The following GUCY1A2 variants were observed in gnomAD, a reference collection of about 807,000 sequenced individuals.
GUCY1A2 encodes the protein guanylate cyclase soluble subunit alpha-2.
GUCY1A2 carries 27 observed loss-of-function variants against 63.5 expected under a neutral mutation model. The ratio of observed to expected loss-of-function variants is 0.43; its 90% CI spans 0.31 to 0.59. The LOEUF is 0.59. GUCY1A2 is among the 20% of genes least tolerant of loss of function. The probability of loss-of-function intolerance (pLI) is 0.11; values close to 1 mark genes in which losing one functional copy is unlikely to be tolerated. For synonymous variants in GUCY1A2, 364 were observed against 343.5 expected, an observed-to-expected ratio of 1.06 and a Z score of -0.66; for missense variants, 768 against 913.3, an observed-to-expected ratio of 0.84 and a Z score of 2.05.
At chr11:106,740,690 T>TATGTATGTATGTATG (rs1565274754) in intron 6 of GUCY1A2, among the ~76,000 whole-genome samples, 1 of 81,202 alleles carries the variant, frequency 1.2e-5, no homozygotes, top group African/African-American at 5.1e-5. Flanking sequence ...ATGTATGTAT[T>TATGTATGTATGTATG]TAGAGACAGA....
chr11:106,731,052 T>C (rs193190692), intron 6 of GUCY1A2, among the ~76,000 whole-genome samples: 91 of 152,296 alleles, frequency 6.0e-4, no homozygotes, highest in African/African-American at 2.1e-3. Context: ...AGCTTATCTG[T>C]TTACTCTCCT....
chr11:106,807,748 C>G (rs1387652843), intron 5 of GUCY1A2, among the ~76,000 whole-genome samples: 1 of 152,202 alleles, frequency 6.6e-6, no homozygotes, highest in East Asian at 1.9e-4. Context: ...TGGGTACCAT[C>G]TAATCAGCTG....
intron 7 of GUCY1A2, among the ~76,000 whole-genome samples, chr11:106,703,208 C>A (rs1003038640): frequency 1.3e-5 from 2 of 152,064 alleles, no homozygotes; most frequent in Admixed American, 6.6e-5. Context: ...TTGCAGACGC[C>A]CTATTGTGGG....
At chr11:106,689,142 C>T (rs533254787) in intron 7 of GUCY1A2, among the ~76,000 whole-genome samples, 12 of 152,234 alleles carry the variant, frequency 7.9e-5, no homozygotes, top group Admixed American at 3.9e-4. Flanking sequence ...GAACATTGCA[C>T]AATCAATTAT....
intron 3 of GUCY1A2, among the ~76,000 whole-genome samples, chr11:106,962,275 G>T (rs1000088659): frequency 6.6e-6 from 1 of 152,092 alleles, no homozygotes; most frequent in Admixed American, 6.6e-5. Flanking sequence ...TATGGGGCTG[G>T]GTGTGGTGGC....
chr11:106,764,977 G>GC (rs1210155647), intron 6 of GUCY1A2, among the ~76,000 whole-genome samples: 4 of 94,188 alleles, frequency 4.2e-5, no homozygotes, highest in African/African-American at 1.5e-4. Flanking sequence ...TTTTGGGGGG[G>GC]GGTTGGGGGG....
chr11:106,686,690 T>G lies in GUCY1A2; in HGVS notation c.*859A>C, dbSNP rs1225971600. On this transcript the variant is annotated 3_prime_UTR_variant, in exon 8 of 8. Transcript: ENST00000526355. ...GTGTAGCAAAGCATTTCATTTTAACTGATATTTGTTAGAAGGTGGCAAAAA... is the reference window on the plus strand; with the variant it reads ...GTGTAGCAAAGCATTTCATTTTAACGGATATTTGTTAGAAGGTGGCAAAAA... The G allele has an allele frequency of 1.4e-5, 3 of 211,456 alleles. No homozygotes were observed. Among genetic ancestry groups the G allele is most frequent in the Non-Finnish European group, 2.9e-5 (3 of 104,296 alleles). 13.1% of individuals were successfully genotyped at this position (211,456 alleles called of 1,614,324 possible). A position where few individuals can be genotyped will look rare whatever the true frequency, so the allele number is the denominator to read the frequency against.
At chr11:106,712,934 G>T (rs528520050) in intron 6 of GUCY1A2, among the ~76,000 whole-genome samples, 2 of 152,268 alleles carry the variant, frequency 1.3e-5, no homozygotes, top group South Asian at 4.2e-4. Context: ...CTACCCTGCA[G>T]AATACATAAT....
intron 5 of GUCY1A2, among the ~76,000 whole-genome samples, chr11:106,782,034 C>T (rs367570467): frequency 1.6e-4 from 25 of 152,186 alleles, no homozygotes; most frequent in African/African-American, 4.6e-4. Context: ...AGAAAGAAGT[C>T]GGGGTGAGGG....
rs1190424405 is a variant in GUCY1A2, at chr11:106,852,803, G to A, written c.1207-42325C>T. ...TGTCCTTGCCTGCTTTTGGCATAAGGGTAATGTTGGTCTCATATAATGAGT... is the reference window on the plus strand; with the variant it reads ...TGTCCTTGCCTGCTTTTGGCATAAGAGTAATGTTGGTCTCATATAATGAGT... On this transcript the variant is annotated intron_variant, in intron 4 of 7. Transcript: ENST00000526355. Among the ~76,000 whole-genome samples the A allele has an allele frequency of 2.0e-5, 3 of 151,998 alleles. No homozygotes were observed. The East Asian group carries it at 5.8e-4, about 29-fold the overall frequency.
chr11:106,857,627 C>CA, intron 4 of GUCY1A2, among the ~76,000 whole-genome samples: 1 of 152,148 alleles, frequency 6.6e-6, no homozygotes, highest in East Asian at 1.9e-4. Context: ...AACGTACAGT[C>CA]AGCTCTCTGT....
intron 4 of GUCY1A2, among the ~76,000 whole-genome samples, chr11:106,810,730 A>G (rs796195875): frequency 6.6e-6 from 1 of 152,128 alleles, no homozygotes; most frequent in African/African-American, 2.4e-5. Flanking sequence ...ATCAGTGAAA[A>G]ATGAAACAGG....
intron 4 of GUCY1A2, among the ~76,000 whole-genome samples, chr11:106,876,747 T>C (rs1859754876): frequency 6.6e-6 from 1 of 152,088 alleles, no homozygotes; most frequent in African/African-American, 2.4e-5. Context: ...ATACTTTACA[T>C]TTCATTTTGA....
intron 6 of GUCY1A2, among the ~76,000 whole-genome samples, chr11:106,752,571 C>T (rs565477999): frequency 9.4e-5 from 14 of 149,696 alleles, no homozygotes; most frequent in Non-Finnish European, 1.5e-4. Flanking sequence ...CCCATGTGTT[C>T]TCATTGTTCA....
chr11:106,867,994 C>T (rs1042963357), intron 4 of GUCY1A2, among the ~76,000 whole-genome samples: 2 of 151,902 alleles, frequency 1.3e-5, no homozygotes, highest in Non-Finnish European at 2.9e-5. Context: ...CCCAAAAAAC[C>T]CTCTGGTCTG....
intron 5 of GUCY1A2, among the ~76,000 whole-genome samples, chr11:106,796,343 G>A (rs1202469064): frequency 6.6e-6 from 1 of 152,170 alleles, no homozygotes; most frequent in Non-Finnish European, 1.5e-5. Context: ...ATTTGATCCT[G>A]TCATTATGAA....
intron 6 of GUCY1A2, among the ~76,000 whole-genome samples, chr11:106,714,367 G>A (rs539377051): frequency 2.6e-5 from 4 of 152,264 alleles, no homozygotes; most frequent in African/African-American, 4.8e-5. Context: ...GAAGTAAGGC[G>A]ATACCACTGG....
rs775433747 is a variant in GUCY1A2, at chr11:106,878,234, C to T, written c.1206+61226G>A. ...AAACAATGTGGCGATTCCTCAAAGA[C>T]CTAAAAACATAAATAACCATTCGAC... On this transcript the variant is annotated intron_variant, in intron 4 of 7. Transcript: ENST00000526355. 1.0e-3 allele frequency among the ~76,000 whole-genome samples: 156 copies of T among 151,938 alleles called. 1 individual carries two copies. The highest frequency in any genetic ancestry group is 9.7e-4 in the Non-Finnish European group (66 of 67,932).
chr11:106,753,794 C>A (rs560956688), intron 6 of GUCY1A2, among the ~76,000 whole-genome samples: 213 of 152,250 alleles, frequency 1.4e-3, no homozygotes, highest in African/African-American at 5.0e-3. Flanking sequence ...AGTGTGATGC[C>A]TCCAGCTTTG....
Sources: gnomAD v4.1 joint callset for allele counts (sites outside exome capture counted in the v4.1 genomes callset) on GRCh38, gnomAD v4.1.1 for gene constraint, MANE v1.5 for transcripts, NCBI Gene and HGNC (gene_info 2026-07-23, HGNC 2026-07-21) for gene names.